Variants in HOOK3 observed in about 807,000 individuals in gnomAD.
The protein encoded by HOOK3 is protein Hook homolog 3.
In HOOK3, 24 loss-of-function variants were observed where a neutral mutation model predicts 116.3. That is an observed-to-expected ratio of 0.21 (90% CI 0.15 to 0.29). HOOK3 has a LOEUF of 0.29. HOOK3 is among the 10% of genes least tolerant of loss of function. The probability of loss-of-function intolerance (pLI) is 1.00; values close to 1 mark genes in which losing one functional copy is unlikely to be tolerated. For missense variants in HOOK3, 632 were observed against 830.2 expected (o/e 0.76, Z 2.93); for synonymous variants, 275 against 283.0 (o/e 0.97, Z 0.28).
intron 3 of HOOK3, among the ~76,000 whole-genome samples, chr8:42,928,182 G>A (rs1402078019): frequency 6.6e-6 from 1 of 152,170 alleles, no homozygotes; most frequent in East Asian, 1.9e-4. Flanking sequence ...GGGAGGCTGA[G>A]GCAAGAGAAT....
chr8:43,011,757 T>C (rs911340042), intron 19 of HOOK3, among the ~76,000 whole-genome samples: 1 of 152,164 alleles, frequency 6.6e-6, no homozygotes, highest in Admixed American at 6.6e-5. Flanking sequence ...CATGCACCTG[T>C]AATCCTAGCT....
At chr8:42,925,475 T>G in intron 2 of HOOK3, 82 bp from the exon 3 acceptor site, 1 of 875,330 alleles carries the variant, frequency 1.1e-6, no homozygotes, top group Admixed American at 2.5e-5. Flanking sequence ...AGTTAAGTGA[T>G]TATATGGGAT....
chr8:42,958,170 A>G (rs1808470085), intron 7 of HOOK3, among the ~76,000 whole-genome samples: 1 of 152,168 alleles, frequency 6.6e-6, no homozygotes, highest in Non-Finnish European at 1.5e-5. Flanking sequence ...TTACATTGTC[A>G]GGTTCTGTGT....
At chr8:42,921,206 CTA>C (rs1807651313) in intron 2 of HOOK3, among the ~76,000 whole-genome samples, 2 of 151,110 alleles carry the variant, frequency 1.3e-5, no homozygotes, top group East Asian at 1.9e-4. Flanking sequence ...GAGAGAAACA[CTA>C]AATCTTTCAG....
intron 15 of HOOK3, among the ~76,000 whole-genome samples, chr8:42,993,450 A>G (rs1245852995): frequency 6.6e-6 from 1 of 151,968 alleles, no homozygotes; most frequent in African/African-American, 2.4e-5. Flanking sequence ...CCTGGCCTAT[A>G]GTTTTGTTTT....
intron 4 of HOOK3, among the ~76,000 whole-genome samples, chr8:42,936,233 T>C (rs1043190805): frequency 1.6e-4 from 25 of 152,370 alleles, no homozygotes; most frequent in African/African-American, 6.0e-4. Flanking sequence ...TTTTGCACAT[T>C]GATTTTGTAT....
chr8:43,006,106 C>T (rs1443672729), intron 17 of HOOK3, among the ~76,000 whole-genome samples: 62 of 137,340 alleles, frequency 4.5e-4, no homozygotes, highest in African/African-American at 1.2e-3. Context: ...CTGCAAGCTC[C>T]GCCTCCCGGG....
At chr8:42,974,849 C>T (rs2066492376) in intron 13 of HOOK3, among the ~76,000 whole-genome samples, 2 of 152,182 alleles carry the variant, frequency 1.3e-5, no homozygotes, top group South Asian at 4.1e-4. Context: ...TCTGAGAGGA[C>T]CGTGCCCCCT....
intron 14 of HOOK3, among the ~76,000 whole-genome samples, chr8:42,984,772 C>T (rs1809018984): frequency 6.6e-6 from 1 of 151,996 alleles, no homozygotes; most frequent in Admixed American, 6.6e-5. Context: ...GGTGTGCTAG[C>T]ACACGCCTGT....
chr8:43,008,039 G>T, intron 18 of HOOK3, 110 bp downstream of exon 18: 1 of 456,072 alleles, frequency 2.2e-6, no homozygotes, highest in Non-Finnish European at 3.6e-6. Context: ...TATTTTTTTT[G>T]AGATGAAGTC....
chr8:43,000,452 C>T (rs1172355370), intron 16 of HOOK3, among the ~76,000 whole-genome samples: 1 of 152,140 alleles, frequency 6.6e-6, no homozygotes, highest in East Asian at 1.9e-4. Context: ...GGATATCGAG[C>T]TCTTAAAGAG....
Position 42,964,359 on chromosome 8 carries a change from G to A in HOOK3, c.664G>A (p.Val222Ile), listed in dbSNP as rs146655103. 5.6e-6 allele frequency: 9 copies of A among 1,614,074 alleles called. No homozygotes were observed. The African/African-American group carries it at 1.2e-4, about 22-fold the overall frequency. ...EKSSLLAENQ[V>I]LMERLNQSDS... ...AAGTAGTTTGTTGGCAGAGAATCAGGTATTAATGGAAAGACTCAATCAATC... is the reference window on the plus strand; with the variant it reads ...AAGTAGTTTGTTGGCAGAGAATCAGATATTAATGGAAAGACTCAATCAATC... The change falls in exon 9 of 22, where the codon GTA becomes ATA. Residue 222 changes from valine to isoleucine, a missense_variant. Coordinates refer to ENST00000307602, the MANE Select transcript of HOOK3 (RefSeq NM_032410.4).
At chr8:42,969,393 A>T (rs1249631991) in intron 11 of HOOK3, among the ~76,000 whole-genome samples, 1 of 152,216 alleles carries the variant, frequency 6.6e-6, no homozygotes, top group African/African-American at 2.4e-5. Context: ...TGGGAGGCTG[A>T]GGCAGGAGAG....
chr8:42,993,482 C>G (rs1435423402), intron 15 of HOOK3, among the ~76,000 whole-genome samples: 3 of 152,036 alleles, frequency 2.0e-5, no homozygotes, highest in African/African-American at 7.2e-5. Context: ...TTTGATGTGT[C>G]TTTGTTTCGT....
intron 14 of HOOK3, among the ~76,000 whole-genome samples, chr8:42,985,477 G>A (rs1251739014): frequency 3.3e-5 from 5 of 152,168 alleles, no homozygotes; most frequent in Admixed American, 3.3e-4. Flanking sequence ...TTTGAAAAAT[G>A]TTTGCATGTG....
chr8:42,962,314 T>C (rs1217704030), intron 8 of HOOK3, among the ~76,000 whole-genome samples: 2 of 149,448 alleles, frequency 1.3e-5, no homozygotes, highest in Non-Finnish European at 3.0e-5. Context: ...CTACCCAGGC[T>C]GGTCTCAAAA....
intron 17 of HOOK3, among the ~76,000 whole-genome samples, chr8:43,005,790 G>A (rs1426535640): frequency 2.0e-5 from 3 of 151,012 alleles, no homozygotes; most frequent in African/African-American, 7.3e-5. Context: ...TCTGCCTCCC[G>A]GGTTCAAGCA....
intron 9 of HOOK3, among the ~76,000 whole-genome samples, chr8:42,965,993 A>T (rs1808625723): frequency 6.6e-6 from 1 of 152,226 alleles, no homozygotes; most frequent in Non-Finnish European, 1.5e-5. Flanking sequence ...ATGAATGTAG[A>T]AACAAATATG....
chr8:42,970,356 G>A (rs1411379014), intron 11 of HOOK3, among the ~76,000 whole-genome samples: 1 of 152,194 alleles, frequency 6.6e-6, no homozygotes, highest in Non-Finnish European at 1.5e-5. Context: ...ATAGGTGGTA[G>A]TGCAGACTCT....
Sources: gnomAD v4.1 joint callset for allele counts (sites outside exome capture counted in the v4.1 genomes callset) on GRCh38, gnomAD v4.1.1 for gene constraint, MANE v1.5 for transcripts, NCBI Gene and HGNC (gene_info 2026-07-23, HGNC 2026-07-21) for gene names.